FAT4: variants seen among roughly 807,000 people sequenced by gnomAD.
The protein encoded by FAT4 is protocadherin Fat 4.
FAT4 carries 84 observed loss-of-function variants against 303.9 expected under a neutral mutation model. The observed-to-expected ratio is 0.28, with a 90% confidence interval of 0.23 to 0.33. The LOEUF is 0.33. FAT4 is among the 10% of genes least tolerant of loss of function. The pLI is 1.00. For synonymous variants in FAT4, 2,307 were observed against 2,298.8 expected, an observed-to-expected ratio of 1.00 and a Z score of -0.10; for missense variants, 6,005 against 6,146.8, an observed-to-expected ratio of 0.98 and a Z score of 0.77.
chr4:125,331,170 T>A (rs920949660), intron 2 of FAT4, among the ~76,000 whole-genome samples: 7 of 152,338 alleles, frequency 4.6e-5, no homozygotes, highest in Admixed American at 4.6e-4. Context: ...GTTTATGGTG[T>A]GCCTTCCCTT....
At chr4:125,339,889 G>C (rs1453746942) in intron 2 of FAT4, among the ~76,000 whole-genome samples, 3 of 151,960 alleles carry the variant, frequency 2.0e-5, no homozygotes, top group African/African-American at 4.8e-5. Flanking sequence ...ATATTTTATT[G>C]TACATCTATA....
intron 2 of FAT4, among the ~76,000 whole-genome samples, chr4:125,366,489 A>C (rs988043387): frequency 7.3e-5 from 11 of 151,610 alleles, no homozygotes; most frequent in Middle Eastern, 3.4e-3. Flanking sequence ...ATATATTTTT[A>C]ATCTGGTCTA....
intron 8 of FAT4, among the ~76,000 whole-genome samples, chr4:125,441,065 C>T (rs1241975043): frequency 6.6e-6 from 1 of 152,072 alleles, no homozygotes; most frequent in Non-Finnish European, 1.5e-5. Context: ...CACTTCCACG[C>T]CTCTAGTTTC....
At position 125,490,415 on chromosome 4, in the gene FAT4, G is replaced by A. The variant is rs773271282; in HGVS notation, c.13599G>A (p.Gly4533=). Residue 4533 remains glycine, a synonymous_variant, in exon 18 of 18, where the codon GGG becomes GGA. Transcript: ENST00000394329. The stretch of plus-strand genomic sequence containing the variant: ...TGATCCTGTGTAACCAGTGCAGGGG[G>A]AAGAAGGCCAAAAATCCCAAAGAGG... ...LSLILCNQCR[G]KKAKNPKEEK... 1 of 1,614,092 alleles carries A rather than the reference G, an allele frequency of 6.2e-7. No homozygotes were observed. Among genetic ancestry groups the A allele is most frequent in the Admixed American group, 1.7e-5 (1 of 60,018 alleles).
chr4:125,317,826 C>T lies in FAT4; in HGVS notation c.1415C>T (p.Pro472Leu), dbSNP rs1205861022. 1 of 1,614,186 alleles carries T rather than the reference C, an allele frequency of 6.2e-7. No individual in the cohort carries two copies. ...VIFVNDINDH[P>L]PVFSQQVYRV... ...TTTGTTAATGACATCAATGACCATC[C>T]TCCTGTCTTTTCACAGCAAGTGTAC... The change falls in exon 2 of 18, where the codon CCT becomes CTT. Residue 472 changes from proline to leucine, a missense_variant. Pro to Leu is a moderately conservative substitution (Grantham distance 98). Coordinates refer to ENST00000394329, the MANE Select transcript of FAT4 (RefSeq NM_001291303.3). This position sits in a 1 kb window ranked among gnomAD's most constrained non-coding sequence, Gnocchi z 7.0.
In FAT4 at chr4:125,487,591, C is replaced by T; in HGVS notation, c.13069C>T (p.Arg4357Ter). The T allele has an allele frequency of 6.2e-7, 1 of 1,607,358 alleles. No homozygotes were observed. The highest frequency in any genetic ancestry group is 8.5e-7 in the Non-Finnish European group (1 of 1,176,328). Residue 4357 changes from arginine (R) to a stop codon, truncating the protein, a stop_gained, in exon 17 of 18, where the codon CGA (arginine) becomes TGA (stop). Transcript: ENST00000394329. LOFTEE classifies it high-confidence loss of function. ...LGGIPPNQAH[R>*]DAQTAGFDGC... is the part of the protein sequence containing the mutation. ...AGGAATTCCACCCAATCAAGCACAT[C>T]GAGATGCCCAAACAGGTAAATGCCT... is the stretch of plus-strand genomic sequence containing the variant.
intron 2 of FAT4, among the ~76,000 whole-genome samples, chr4:125,336,747 A>G (rs1008841078): frequency 6.6e-6 from 1 of 151,884 alleles, no homozygotes; most frequent in Non-Finnish European, 1.5e-5. Context: ...TAATAGAGGA[A>G]ATGAAACAAG....
Position 125,449,010 on chromosome 4 carries a change from A to T in FAT4, c.8000A>T (p.Asn2667Ile), listed in dbSNP as rs1440539967. The change falls in exon 10 of 18, where the codon AAT (asparagine) becomes ATT (isoleucine). Residue 2667 changes from asparagine to isoleucine, a missense_variant. Physicochemically the swap from Asn to Ile is moderately radical, Grantham distance 149. Transcript: ENST00000394329. The part of the protein sequence containing the change: ...LDITVLDVND[N>I]APIFKEDPFI... ...ATAACAGTATTAGATGTCAATGATAATGCCCCAATTTTTAAGGAAGACCCA... is the reference window on the plus strand; with the variant it reads ...ATAACAGTATTAGATGTCAATGATATTGCCCCAATTTTTAAGGAAGACCCA... 1.2e-6 allele frequency: 2 copies of T among 1,613,710 alleles called. No individual in the cohort carries two copies. The highest frequency in any genetic ancestry group is 2.7e-5 in the African/African-American group (2 of 74,894).
intron 2 of FAT4, among the ~76,000 whole-genome samples, chr4:125,342,761 A>G (rs1731847948): frequency 6.6e-6 from 1 of 151,882 alleles, no homozygotes; most frequent in South Asian, 2.1e-4. Context: ...ACACAATTTT[A>G]TATTACTTTA....
intron 2 of FAT4, among the ~76,000 whole-genome samples, chr4:125,365,045 G>T (rs1029607709): frequency 2.6e-5 from 4 of 152,020 alleles, no homozygotes; most frequent in African/African-American, 9.7e-5. Flanking sequence ...TTGAAGATGT[G>T]GTCCTGGTAT....
At chr4:125,321,650 A>G (rs1212456964) in intron 2 of FAT4, 64 bp downstream of exon 2, 1 of 1,440,598 alleles carries the variant, frequency 6.9e-7, no homozygotes, top group Non-Finnish European at 9.3e-7. Context: ...TTCTCTTTAT[A>G]TTTACTCTCT....
chr4:125,491,757 C>T lies in FAT4; in HGVS notation c.14941C>T (p.Gln4981Ter), dbSNP rs760955501. The T allele has an allele frequency of 5.0e-6, 8 of 1,610,336 alleles. No individual in the cohort carries two copies. The highest frequency in any genetic ancestry group is 6.8e-6 in the Non-Finnish European group (8 of 1,178,334). ...AGTCCCCAAAGATGGGGAAGCAGAACAGTATGTGTGAAGTTTATGTACTGG... is the reference window on the plus strand; with the variant it reads ...AGTCCCCAAAGATGGGGAAGCAGAATAGTATGTGTGAAGTTTATGTACTGG... The part of the protein sequence containing the change: ...KPVPKDGEAE[Q>*]YV Residue 4981 changes from glutamine (Q) to a stop codon, truncating the protein, a stop_gained, in exon 18 of 18, where the codon CAG becomes TAG. Coordinates refer to ENST00000394329, the MANE Select transcript of FAT4 (RefSeq NM_001291303.3). LOFTEE classifies it high-confidence loss of function.
At chr4:125,473,835 T>C (rs1726941867) in intron 12 of FAT4, among the ~76,000 whole-genome samples, 1 of 152,044 alleles carries the variant, frequency 6.6e-6, no homozygotes, top group East Asian at 1.9e-4. Flanking sequence ...TTTTTAATAA[T>C]ACCAAATGTG....
intron 7 of FAT4, among the ~76,000 whole-genome samples, chr4:125,424,285 C>T (rs1202360977): frequency 3.3e-5 from 5 of 152,140 alleles, no homozygotes; most frequent in African/African-American, 1.2e-4. Context: ...GGGCAGTTAC[C>T]TCCATGCTGT....
At chr4:125,377,514 G>A (rs1733379555) in intron 2 of FAT4, among the ~76,000 whole-genome samples, 1 of 152,084 alleles carries the variant, frequency 6.6e-6, no homozygotes, top group Admixed American at 6.6e-5. Flanking sequence ...TTGCTTAAAT[G>A]TAAACCTTTA....
At chr4:125,429,683 A>G (rs1456651721) in intron 7 of FAT4, among the ~76,000 whole-genome samples, 2 of 152,230 alleles carry the variant, frequency 1.3e-5, no homozygotes, top group East Asian at 1.9e-4. Context: ...TGAAATATGT[A>G]TAACACATGC....
chr4:125,404,539 A>C (rs1251115436), intron 3 of FAT4, among the ~76,000 whole-genome samples: 1 of 152,186 alleles, frequency 6.6e-6, no homozygotes, highest in East Asian at 1.9e-4. Flanking sequence ...AAAATATTGT[A>C]TTCATTTGAT....
At chr4:125,425,814 C>T (rs1295262932) in intron 7 of FAT4, among the ~76,000 whole-genome samples, 3 of 152,032 alleles carry the variant, frequency 2.0e-5, no homozygotes, top group Admixed American at 6.6e-5. Context: ...TATAGAGATT[C>T]TGTCTCTAGA....
chr4:125,368,033 T>C (rs1279461802), intron 2 of FAT4, among the ~76,000 whole-genome samples: 2 of 152,168 alleles, frequency 1.3e-5, no homozygotes, highest in African/African-American at 2.4e-5. Context: ...TATAAGACTT[T>C]CTAAATAGGC....
Sources: gnomAD v4.1 joint callset for allele counts (sites outside exome capture counted in the v4.1 genomes callset) on GRCh38, gnomAD v4.1.1 for gene constraint, Gnocchi (gnomAD v3.1) non-coding constraint, MANE v1.5 for transcripts, NCBI Gene and HGNC (gene_info 2026-07-23, HGNC 2026-07-21) for gene names.